UTRN: variants seen among roughly 807,000 people sequenced by gnomAD.
UTRN encodes utrophin, also known as dystrophin-related protein 1.
UTRN carries 283 observed loss-of-function variants against 463.9 expected under a neutral mutation model. The ratio of observed to expected loss-of-function variants is 0.61; its 90% CI spans 0.55 to 0.67. UTRN has a LOEUF of 0.67. Among genes scored for constraint, UTRN ranks in the 30% least tolerant of loss-of-function variants. The probability of loss-of-function intolerance (pLI) is 0.00; values close to 1 mark genes in which losing one functional copy is unlikely to be tolerated. For missense variants in UTRN, 3,922 were observed against 4,084.3 expected (o/e 0.96, Z 1.08); for synonymous variants, 1,442 against 1,431.5 (o/e 1.01, Z -0.17).
chr6:144,440,636 A>G (rs996346139), intron 13 of UTRN, among the ~76,000 whole-genome samples, 165 bp downstream of exon 13: 1 of 152,222 alleles, frequency 6.6e-6, no homozygotes, highest in African/African-American at 2.4e-5. Flanking sequence ...TGTGGGCTAC[A>G]GGAGTACCCA....
At chr6:144,778,044 A>C (rs899350985) in intron 60 of UTRN, among the ~76,000 whole-genome samples, 5 of 152,100 alleles carry the variant, frequency 3.3e-5, no homozygotes, top group African/African-American at 1.2e-4. Flanking sequence ...TAGAATGGGG[A>C]GCCATGAGGC....
rs550375614 is a variant in UTRN at position 144,662,821 on chromosome 6, G to GT, written c.7480-15578dup. Among the ~76,000 whole-genome samples, 683 of 152,210 alleles carry GT rather than the reference G, an allele frequency of 4.5e-3. 6 individuals carry two copies. The highest frequency in any genetic ancestry group is 0.015 in the African/African-American group (639 of 41,522). ...CCTTCAGCATAACTTTAAGACAGCA[G>GT]TTTTTTTGTGAAGGTAAATTGAAAG... On this transcript the variant is annotated intron_variant, in intron 51 of 74. Transcript: ENST00000367545.
At chr6:144,651,982 C>T (rs756429120) in intron 51 of UTRN, among the ~76,000 whole-genome samples, 2 of 152,168 alleles carry the variant, frequency 1.3e-5, no homozygotes, top group African/African-American at 2.4e-5. Flanking sequence ...ACACTTTCCC[C>T]TGAGTCCCCA....
At chr6:144,475,168 A>C (rs1791062421) in intron 25 of UTRN, among the ~76,000 whole-genome samples, 1 of 152,270 alleles carries the variant, frequency 6.6e-6, no homozygotes, top group African/African-American at 2.4e-5. Context: ...CTAGTGAGGC[A>C]GATGGATAAT....
Position 144,499,319 on chromosome 6 carries a change from G to C in UTRN, c.4656G>C (p.Glu1552Asp). 6.2e-7 allele frequency: 1 copy of C among 1,613,724 alleles called. No individual in the cohort carries two copies. The highest frequency in any genetic ancestry group is 2.2e-5 in the East Asian group (1 of 44,878). The part of the protein sequence containing the change: ...ASQLARKMKK[E>D]AASLSEWLSA... ...AGTTGGCCCGGAAAATGAAGAAAGA[G>C]GCTGCTTCTCTCTCTGAATGGCTTT... The change falls in exon 34 of 75, where the codon GAG (glutamate) becomes GAC (aspartate). Residue 1552 changes from glutamate (E) to aspartate (D), a missense_variant. Transcript: ENST00000367545.
intron 34 of UTRN, among the ~76,000 whole-genome samples, chr6:144,504,998 G>A (rs1033125450): frequency 1.5e-4 from 23 of 152,172 alleles, no homozygotes; most frequent in Non-Finnish European, 7.3e-5. Context: ...GAGGGTGTAT[G>A]TGTCCTGGAA....
At chr6:144,426,824 G>C (rs1430084990) in intron 7 of UTRN, among the ~76,000 whole-genome samples, 2 of 152,126 alleles carry the variant, frequency 1.3e-5, no homozygotes, top group Admixed American at 6.6e-5. Context: ...TAAATTCAAT[G>C]CATTCCCAAT....
At chr6:144,828,676 A>C in intron 68 of UTRN, 114 bp from the exon 69 acceptor site, 1 of 1,044,320 alleles carries the variant, frequency 9.6e-7, no homozygotes, top group Admixed American at 2.0e-5. Flanking sequence ...GGAGATTTGG[A>C]TCTTTCTATG....
intron 33 of UTRN, among the ~76,000 whole-genome samples, chr6:144,494,831 T>C (rs1793443019): frequency 6.6e-6 from 1 of 151,716 alleles, no homozygotes; most frequent in Non-Finnish European, 1.5e-5. Context: ...AACCTTGAGC[T>C]AGATACAGAG....
At chr6:144,451,208 T>C (rs1179432381) in intron 17 of UTRN, among the ~76,000 whole-genome samples, 162 bp from the exon 18 acceptor site, 1 of 152,220 alleles carries the variant, frequency 6.6e-6, no homozygotes, top group East Asian at 1.9e-4. Flanking sequence ...TAGTTGTAAA[T>C]ATATGATCTC....
chr6:144,594,024 G>A (rs1463383869), intron 51 of UTRN, among the ~76,000 whole-genome samples: 1 of 152,148 alleles, frequency 6.6e-6, no homozygotes, highest in Non-Finnish European at 1.5e-5. Context: ...AGTCAGTTTG[G>A]TATGGGAGTG....
intron 2 of UTRN, among the ~76,000 whole-genome samples, chr6:144,395,501 G>T (rs1782325552): frequency 6.7e-6 from 1 of 150,252 alleles, no homozygotes; most frequent in Admixed American, 6.7e-5. Context: ...TTTAAGTTTA[G>T]GCGCTCTAGA....
intron 51 of UTRN, among the ~76,000 whole-genome samples, chr6:144,650,710 A>G (rs1778726793): frequency 6.6e-6 from 1 of 152,184 alleles, no homozygotes; most frequent in Non-Finnish European, 1.5e-5. Flanking sequence ...GGAGTTTGAG[A>G]CCAGCCTGAC....
intron 74 of UTRN, 129 bp from the exon 75 acceptor site, chr6:144,850,860 G>A: frequency 7.8e-7 from 1 of 1,276,842 alleles, no homozygotes; most frequent in Non-Finnish European, 1.1e-6. Context: ...CTCATTGCAG[G>A]AAGCAAAAGT....
At chr6:144,432,927 C>T (rs936698248) in intron 9 of UTRN, among the ~76,000 whole-genome samples, 1 of 152,082 alleles carries the variant, frequency 6.6e-6, no homozygotes, top group African/African-American at 2.4e-5. Context: ...TTTAACAAAG[C>T]ACATCTTGCA....
chr6:144,361,138 C>A (rs1212194775), intron 2 of UTRN, among the ~76,000 whole-genome samples: 2 of 152,162 alleles, frequency 1.3e-5, no homozygotes, highest in Non-Finnish European at 2.9e-5. Flanking sequence ...AAGAAAGAGT[C>A]TTCAGATTGT....
intron 51 of UTRN, among the ~76,000 whole-genome samples, chr6:144,625,497 A>G (rs1328841082): frequency 1.3e-5 from 2 of 152,208 alleles, no homozygotes; most frequent in Non-Finnish European, 2.9e-5. Flanking sequence ...AAAACTTGAA[A>G]GAATTTTGTT....
At chr6:144,563,910 C>T (rs925432985) in intron 50 of UTRN, among the ~76,000 whole-genome samples, 3 of 152,038 alleles carry the variant, frequency 2.0e-5, no homozygotes, top group Middle Eastern at 3.2e-3. Flanking sequence ...CTCAAGCATG[C>T]GGATATTTTC....
intron 2 of UTRN, among the ~76,000 whole-genome samples, chr6:144,356,143 T>C (rs1778526167): frequency 6.6e-6 from 1 of 152,238 alleles, no homozygotes; most frequent in African/African-American, 2.4e-5. Flanking sequence ...TAGTACTCCA[T>C]ATGAATGACA....
Sources: allele counts gnomAD v4.1 joint callset (sites outside exome capture counted in the v4.1 genomes callset), GRCh38; gene constraint gnomAD v4.1.1; transcripts MANE v1.5; gene names NCBI Gene and HGNC (gene_info 2026-07-23, HGNC 2026-07-21).